The following VPS13A variants were observed in gnomAD, a reference collection of about 807,000 sequenced individuals.
The protein encoded by VPS13A is vacuolar protein sorting 13 homolog A.
VPS13A carries 264 observed loss-of-function variants against 390.9 expected under a neutral mutation model. The ratio of observed to expected loss-of-function variants is 0.68; its 90% CI spans 0.61 to 0.75. VPS13A has a LOEUF of 0.75. Ranked by LOEUF, VPS13A falls within the 30% of genes least tolerant of loss-of-function variation. The pLI is 0.00. For missense variants in VPS13A, 3,409 were observed against 3,733.9 expected (o/e 0.91, Z 2.27); for synonymous variants, 1,231 against 1,227.1 (o/e 1.00, Z -0.07).
intron 8 of VPS13A, 42 bp downstream of exon 8, chr9:77,213,070 A>C: frequency 6.2e-7 from 1 of 1,610,726 alleles, no homozygotes; most frequent in Non-Finnish European, 8.5e-7. Context: ...ACTTAAGAGA[A>C]TTTTGGAAAG....
In VPS13A at chr9:77,405,974, G is replaced by A. The variant is rs376343549; in HGVS notation, c.9386G>A (p.Arg3129His). The change falls in exon 70 of 72, where the codon CGC (arginine) becomes CAC (histidine). Residue 3129 changes from arginine to histidine, a missense_variant. Arg to His is a conservative substitution (Grantham distance 29). Coordinates refer to ENST00000360280, the MANE Select transcript of VPS13A (RefSeq NM_033305.3). ...TTCATTGTTCATGGGAGAAGATTGC[G>A]CATTGAAGCAAAGGTATGTTGAATA... ...EPFIVHGRRL[R>H]IEAKERVKSV... The A allele has an allele frequency of 9.9e-6, 16 of 1,613,570 alleles. No individual in the cohort carries two copies. Among genetic ancestry groups the A allele is most frequent in the African/African-American group, 2.7e-5 (2 of 74,878 alleles).
At chr9:77,382,885 A>C (rs1375361674) in intron 68 of VPS13A, 1 of 985,398 alleles carries the variant, frequency 1.0e-6, no homozygotes, top group East Asian at 1.1e-4. Context: ...GGTAAATTCG[A>C]CTTTTTAAAA....
intron 1 of VPS13A, among the ~76,000 whole-genome samples, chr9:77,194,370 C>A (rs923197168): frequency 2.0e-5 from 3 of 147,074 alleles, no homozygotes; most frequent in Non-Finnish European, 4.5e-5. Context: ...TTGGGGGGGG[C>A]GCTCAAATCT....
At chr9:77,320,102 G>A (rs9696759) in intron 42 of VPS13A, among the ~76,000 whole-genome samples, 81,854 of 151,894 alleles carry the variant, frequency 0.54, 22,225 homozygotes, top group East Asian at 0.68. Context: ...TTAGAACACA[G>A]TTTAGACATT....
intron 23 of VPS13A, 48 bp downstream of exon 23, chr9:77,260,272 C>A (rs568867184): frequency 1.3e-6 from 2 of 1,535,138 alleles, no homozygotes; most frequent in East Asian, 2.5e-5. Flanking sequence ...AGAAAGTCCA[C>A]AAATAGTATT....
At chr9:77,235,973 A>T (rs1824120853) in intron 17 of VPS13A, among the ~76,000 whole-genome samples, 1 of 152,200 alleles carries the variant, frequency 6.6e-6, no homozygotes, top group Non-Finnish European at 1.5e-5. Flanking sequence ...TACTGAATAA[A>T]TTACATAAGC....
intron 70 of VPS13A, among the ~76,000 whole-genome samples, chr9:77,406,325 T>C (rs1834606600): frequency 6.6e-6 from 1 of 152,236 alleles, no homozygotes; most frequent in African/African-American, 2.4e-5. Flanking sequence ...TTTTTAAATA[T>C]ATTTTCCCTT....
chr9:77,309,415 G>C (rs1381373772), intron 35 of VPS13A, among the ~76,000 whole-genome samples: 1 of 152,106 alleles, frequency 6.6e-6, no homozygotes, highest in Non-Finnish European at 1.5e-5. Flanking sequence ...AAGAAGTATA[G>C]TACTCTCCTT....
intron 5 of VPS13A, among the ~76,000 whole-genome samples, chr9:77,206,299 C>CTTA (rs141045905): frequency 8.8e-5 from 13 of 147,672 alleles, no homozygotes; most frequent in Admixed American, 2.8e-4. Flanking sequence ...ATATGTCTAG[C>CTTA]TTATTATTAT....
Position 77,220,288 on chromosome 9 carries a change from T to C in VPS13A, c.894T>C (p.Ile298=). The change falls in exon 12 of 72, where the codon ATT becomes ATC. Residue 298 remains isoleucine, a synonymous_variant. Transcript: ENST00000360280. ...IEFNKPQYFS[I]MELLESVDMM... is the part of the protein sequence containing the mutation. ...TTTCCATTCTTTAGTATTTCAGTAT[T>C]ATGGAGCTTCTTGAATCAGTTGATA... The C allele has an allele frequency of 1.2e-6, 2 of 1,611,582 alleles. No individual in the cohort carries two copies. Among genetic ancestry groups the C allele is most frequent in the African/African-American group, 1.3e-5 (1 of 74,962 alleles).
In VPS13A at chr9:77,260,065, AT is replaced by A. The variant is rs528399272; in HGVS notation, c.2289-16del. ...CAGAATAATTCCTTTATAATTACTT[AT>A]TTTTATCTTTTCAAAACAGATTCAA... On this transcript the variant is annotated intron_variant, in intron 22 of 71. Transcript: ENST00000360280. 233 of 1,384,682 alleles carry A rather than the reference AT, an allele frequency of 1.7e-4. 1 individual carries two copies. In the Middle Eastern group the frequency reaches 2.2e-3, roughly 13 times the overall value. 85.8% of individuals were successfully genotyped at this position (1,384,682 alleles called of 1,614,324 possible). A position where few individuals can be genotyped will look rare whatever the true frequency, so the allele number is the denominator to read the frequency against.
At chr9:77,184,601 A>T (rs1167708717) in intron 1 of VPS13A, among the ~76,000 whole-genome samples, 1 of 152,226 alleles carries the variant, frequency 6.6e-6, no homozygotes, top group African/African-American at 2.4e-5. Context: ...CCTAGGTGAC[A>T]GAGCAAGACT....
rs75590992 is a variant in VPS13A, at chr9:77,309,181, A to T, written c.4114+1083A>T. Among the ~76,000 whole-genome samples the T allele has an allele frequency of 8.4e-3, 1,285 of 152,322 alleles. 10 individuals are homozygous for T. Among genetic ancestry groups the T allele is most frequent in the South Asian group, 0.014 (66 of 4,820 alleles). On this transcript the variant is annotated intron_variant, in intron 35 of 71. Transcript: ENST00000360280. ...ACCCAAGGATAGGAGAGTTGCTGGAAATCCAAATATTATTGCTGAAAATTT... is the reference window on the plus strand; with the variant it reads ...ACCCAAGGATAGGAGAGTTGCTGGATATCCAAATATTATTGCTGAAAATTT...
intron 53 of VPS13A, among the ~76,000 whole-genome samples, chr9:77,351,728 G>T (rs1014459373): frequency 2.0e-5 from 3 of 152,112 alleles, no homozygotes; most frequent in Non-Finnish European, 2.9e-5. Flanking sequence ...AATTAGCCTC[G>T]CATGGTGGCG....
chr9:77,365,938 A>G (rs375049677), intron 60 of VPS13A, among the ~76,000 whole-genome samples: 16 of 152,154 alleles, frequency 1.1e-4, no homozygotes, highest in South Asian at 6.2e-4. Context: ...GTTAGTTTTT[A>G]GTGCAAAATT....
intron 70 of VPS13A, among the ~76,000 whole-genome samples, chr9:77,407,200 A>G (rs191000452): frequency 6.6e-6 from 1 of 152,162 alleles, no homozygotes; most frequent in Non-Finnish European, 1.5e-5. Context: ...ACAACTGTGT[A>G]AGAAATTATT....
intron 71 of VPS13A, among the ~76,000 whole-genome samples, chr9:77,408,415 A>T (rs1228951873): frequency 6.6e-6 from 1 of 152,256 alleles, no homozygotes; most frequent in African/African-American, 2.4e-5. Context: ...TACTGGGTTC[A>T]TGTCACTGGG....
intron 24 of VPS13A, among the ~76,000 whole-genome samples, chr9:77,274,414 G>A (rs931217896): frequency 3.6e-5 from 5 of 137,048 alleles, no homozygotes; most frequent in East Asian, 2.1e-4. Flanking sequence ...GTGACAGAGC[G>A]AGAGTCCGAA....
intron 31 of VPS13A, among the ~76,000 whole-genome samples, chr9:77,284,001 T>A (rs1311891602): frequency 6.6e-6 from 1 of 151,814 alleles, no homozygotes; most frequent in Non-Finnish European, 1.5e-5. Flanking sequence ...ACTCTGAATC[T>A]TGTAATGCAT....
Sources: gnomAD v4.1 joint callset for allele counts (sites outside exome capture counted in the v4.1 genomes callset) on GRCh38, gnomAD v4.1.1 for gene constraint, MANE v1.5 for transcripts, NCBI Gene and HGNC (gene_info 2026-07-23, HGNC 2026-07-21) for gene names.